GPR39: variants seen among roughly 807,000 people sequenced by gnomAD.
The protein encoded by GPR39 is zinc sensing receptor.
Under a neutral mutation model 18.4 loss-of-function variants are expected in GPR39, and 23 were observed. That is an observed-to-expected ratio of 1.25 (90% CI 0.90 to 1.77). The LOEUF (loss-of-function observed/expected upper bound fraction) is 1.77. GPR39 is among the 40% of genes most tolerant of loss of function. The pLI, the probability that GPR39 is intolerant of heterozygous loss-of-function variation, is 0.00. For missense variants in GPR39, 647 were observed against 602.4 expected, an observed-to-expected ratio of 1.07 and a Z score of -0.78; for synonymous variants, 280 against 257.9, an observed-to-expected ratio of 1.09 and a Z score of -0.82.
intron 1 of GPR39, among the ~76,000 whole-genome samples, chr2:132,463,043 C>A (rs1238785449): frequency 1.3e-5 from 2 of 152,180 alleles, no homozygotes; most frequent in Non-Finnish European, 2.9e-5. Context: ...ATTTGTTCAT[C>A]CATTCAGTCA....
chr2:132,467,513 A>G (rs1421416118), intron 1 of GPR39, among the ~76,000 whole-genome samples: 2 of 152,212 alleles, frequency 1.3e-5, no homozygotes, highest in East Asian at 3.8e-4. Context: ...TCAGTATCAC[A>G]CAGTATAGCC....
At chr2:132,559,039 C>T (rs552610131) in intron 1 of GPR39, among the ~76,000 whole-genome samples, 2 of 152,220 alleles carry the variant, frequency 1.3e-5, no homozygotes, top group Admixed American at 1.3e-4. Flanking sequence ...TGAAAAAGGT[C>T]ATAGATAGTT....
intron 1 of GPR39, among the ~76,000 whole-genome samples, chr2:132,610,473 A>T (rs1029657427): frequency 1.3e-5 from 2 of 152,150 alleles, no homozygotes; most frequent in African/African-American, 4.8e-5. Context: ...TTAAGTGATG[A>T]TTCAGAAATC....
chr2:132,579,534 A>C (rs1680588930), intron 1 of GPR39, among the ~76,000 whole-genome samples: 1 of 152,098 alleles, frequency 6.6e-6, no homozygotes, highest in Admixed American at 6.5e-5. Flanking sequence ...AGTTCTACTA[A>C]TTGCTGAGAA....
chr2:132,557,010 A>G lies in GPR39; in HGVS notation c.857-88091A>G, dbSNP rs146567426. ...TGTAGAGGGCTGTTTATCACATTGA[A>G]CTGTTGTTTAAACCTTAACTTATGG... On this transcript the variant is annotated intron_variant, in intron 1 of 1. Coordinates refer to ENST00000329321, the MANE Select transcript of GPR39 (RefSeq NM_001508.3). Among the ~76,000 whole-genome samples the G allele has an allele frequency of 9.0e-3, 1,369 of 152,200 alleles. 14 individuals are homozygous for G. The highest frequency in any genetic ancestry group is 0.017 in the Middle Eastern group (5 of 294).
At chr2:132,537,193 G>A (rs1679773432) in intron 1 of GPR39, among the ~76,000 whole-genome samples, 1 of 152,294 alleles carries the variant, frequency 6.6e-6, no homozygotes, top group African/African-American at 2.4e-5. Flanking sequence ...GTATGTTTTT[G>A]CAGTGGCTGG....
chr2:132,422,615 A>T (rs1233376916), intron 1 of GPR39, among the ~76,000 whole-genome samples: 1 of 152,048 alleles, frequency 6.6e-6, no homozygotes, highest in African/African-American at 2.4e-5. Context: ...TCAACATTAA[A>T]TTAGTGACTT....
intron 1 of GPR39, among the ~76,000 whole-genome samples, chr2:132,575,536 C>T (rs1465542916): frequency 2.0e-5 from 3 of 152,154 alleles, no homozygotes; most frequent in African/African-American, 7.2e-5. Flanking sequence ...AACTGTTTTC[C>T]AGAGTGGTTG....
At chr2:132,465,431 A>G (rs1680911095) in intron 1 of GPR39, among the ~76,000 whole-genome samples, 1 of 152,186 alleles carries the variant, frequency 6.6e-6, no homozygotes, top group Non-Finnish European at 1.5e-5. Flanking sequence ...CCCCTCTCCA[A>G]ACTATCATGC....
At chr2:132,618,536 T>C (rs1681378634) in intron 1 of GPR39, among the ~76,000 whole-genome samples, 1 of 151,346 alleles carries the variant, frequency 6.6e-6, no homozygotes, top group South Asian at 2.1e-4. Context: ...GGACAAAGAG[T>C]GAAGAAGAGT....
At chr2:132,587,714 TA>T (rs1314667075) in intron 1 of GPR39, among the ~76,000 whole-genome samples, 1 of 152,046 alleles carries the variant, frequency 6.6e-6, no homozygotes, top group Non-Finnish European at 1.5e-5. Context: ...TTTGTATTTT[TA>T]GTAGAGATGG....
chr2:132,549,003 C>A (rs1679994921), intron 1 of GPR39, among the ~76,000 whole-genome samples: 1 of 152,120 alleles, frequency 6.6e-6, no homozygotes, highest in Admixed American at 6.5e-5. Context: ...TATATGTATT[C>A]TTATATTATT....
intron 1 of GPR39, among the ~76,000 whole-genome samples, chr2:132,561,402 C>G (rs1287517698): frequency 1.3e-5 from 2 of 152,182 alleles, no homozygotes; most frequent in Admixed American, 6.5e-5. Context: ...TCCTGCCCCC[C>G]ATTAACTGCT....
chr2:132,483,533 G>A (rs923532979), intron 1 of GPR39, among the ~76,000 whole-genome samples: 9 of 152,204 alleles, frequency 5.9e-5, no homozygotes, highest in Admixed American at 3.3e-4. Context: ...GTGATTGGCC[G>A]TTCTGGTCTC....
chr2:132,615,139 A>G lies in GPR39; in HGVS notation c.857-29962A>G, dbSNP rs181731139. Among the ~76,000 whole-genome samples, 816 of 152,182 alleles carry G rather than the reference A, an allele frequency of 5.4e-3. 11 individuals are homozygous for G. The highest frequency in any genetic ancestry group is 0.019 in the African/African-American group (788 of 41,518). On this transcript the variant is annotated intron_variant, in intron 1 of 1. Transcript: ENST00000329321. Reference sequence around the variant, plus strand: ...ATTTTTAAGTTTTCAGACACCACGGATTTAATTGCAACTGCCAAGGTCTAG... The same window carrying G: ...ATTTTTAAGTTTTCAGACACCACGGGTTTAATTGCAACTGCCAAGGTCTAG...
chr2:132,515,867 T>C (rs1335933733), intron 1 of GPR39, among the ~76,000 whole-genome samples: 4 of 152,184 alleles, frequency 2.6e-5, no homozygotes, highest in Non-Finnish European at 5.9e-5. Flanking sequence ...TAACCTTTTG[T>C]CCTCTGATTG....
At chr2:132,587,696 T>G (rs1055757284) in intron 1 of GPR39, among the ~76,000 whole-genome samples, 5 of 151,828 alleles carry the variant, frequency 3.3e-5, no homozygotes, top group East Asian at 3.9e-4. Flanking sequence ...CACCACACCC[T>G]GCTAATTTTT....
chr2:132,598,513 G>C lies in GPR39; in HGVS notation c.857-46588G>C, dbSNP rs374836911. Among the ~76,000 whole-genome samples, 20 of 147,812 alleles carry C rather than the reference G, an allele frequency of 1.4e-4. No individual in the cohort carries two copies. In the South Asian group the frequency reaches 4.3e-3, roughly 31 times the overall value. ...GGCTCCCAATTCTAATGCTACTCAG[G>C]GATAAGAACACCAGTAGAGTGAAAA... On this transcript the variant is annotated intron_variant, in intron 1 of 1. Coordinates refer to ENST00000329321, the MANE Select transcript of GPR39 (RefSeq NM_001508.3).
In GPR39 at chr2:132,563,885, G is replaced by A. The variant is rs180882247; in HGVS notation, c.857-81216G>A. 8.6e-4 allele frequency among the ~76,000 whole-genome samples: 128 copies of A among 148,996 alleles called. 2 individuals carry two copies. Among genetic ancestry groups the A allele is most frequent in the African/African-American group, 3.2e-3 (122 of 38,424 alleles). On this transcript the variant is annotated intron_variant, in intron 1 of 1. Coordinates refer to ENST00000329321, the MANE Select transcript of GPR39 (RefSeq NM_001508.3). ...TGGCTGCACATTGGAATTGCCTGGAGGTGCCTGGGTCCCCCCACCCCAACC... is the reference window on the plus strand; with the variant it reads ...TGGCTGCACATTGGAATTGCCTGGAAGTGCCTGGGTCCCCCCACCCCAACC...
Sources: gnomAD v4.1 joint callset for allele counts (sites outside exome capture counted in the v4.1 genomes callset) on GRCh38, gnomAD v4.1.1 for gene constraint, MANE v1.5 for transcripts, NCBI Gene and HGNC (gene_info 2026-07-23, HGNC 2026-07-21) for gene names.